Variants in OGDH observed in about 807,000 individuals in gnomAD.
The protein encoded by OGDH is oxoglutarate dehydrogenase, also known as 2-oxoglutarate dehydrogenase complex component E1.
OGDH carries 38 observed loss-of-function variants against 116.6 expected under a neutral mutation model. The observed-to-expected ratio is 0.33, with a 90% CI of 0.25 to 0.43. The LOEUF (loss-of-function observed/expected upper bound fraction) is 0.43, where lower values mean the gene tolerates loss of function less well. Among genes scored for constraint, OGDH ranks in the 20% least tolerant of loss-of-function variants. The pLI is 1.00. For missense variants in OGDH, 825 were observed against 1,357.2 expected, an observed-to-expected ratio of 0.61 and a Z score of 6.16; for synonymous variants, 488 against 533.3, an observed-to-expected ratio of 0.92 and a Z score of 1.17.
At chr7:44,619,887 G>C (rs1218972502) in intron 1 of OGDH, among the ~76,000 whole-genome samples, 1 of 151,552 alleles carries the variant, frequency 6.6e-6, no homozygotes, top group African/African-American at 2.4e-5. Flanking sequence ...TTTTTGATTG[G>C]GTTGTCTTTT....
intron 18 of OGDH, among the ~76,000 whole-genome samples, chr7:44,699,444 A>C (rs1788732285): frequency 6.6e-6 from 1 of 151,874 alleles, no homozygotes; most frequent in East Asian, 1.9e-4. Flanking sequence ...AAAAAAAAAA[A>C]AAAAACTCAA....
In OGDH at chr7:44,697,394, C is replaced by G; in HGVS notation, c.2076C>G (p.Asp692Glu). 1 of 1,614,214 alleles carries G rather than the reference C, an allele frequency of 6.2e-7. No individual in the cohort carries two copies. Among genetic ancestry groups the G allele is most frequent in the Non-Finnish European group, 8.5e-7 (1 of 1,180,038 alleles). ...TFSHRHHVLH[D>E]QNVDKRTCIP... ...GCCACCGCCACCATGTGCTCCATGACCAGAATGTGGACAAGAGAACCTGCA... is the reference window on the plus strand; with the variant it reads ...GCCACCGCCACCATGTGCTCCATGAGCAGAATGTGGACAAGAGAACCTGCA... The change falls in exon 16 of 23, where the codon GAC (aspartate) becomes GAG (glutamate). Residue 692 changes from aspartate (D) to glutamate (E), a missense_variant. Coordinates refer to ENST00000222673, the MANE Select transcript of OGDH (RefSeq NM_002541.4). The surrounding 1 kb of genome is among the most constrained non-coding windows in gnomAD (Gnocchi z 6.0).
At chr7:44,680,169 G>C (rs1046970327) in intron 9 of OGDH, among the ~76,000 whole-genome samples, 1 of 152,042 alleles carries the variant, frequency 6.6e-6, no homozygotes, top group Non-Finnish European at 1.5e-5. Flanking sequence ...CTGAGATCGT[G>C]CCACTGCACT....
At position 44,666,770 on chromosome 7, in the gene OGDH, G is replaced by C. The variant is rs1429177924; in HGVS notation, c.552G>C (p.Lys184Asn). ...GCCTGGATGAGTCTGACCTCGACAA[G>C]GTCTTCCACTTGCCCACCACCACTT... is the stretch of plus-strand genomic sequence containing the variant. The part of the protein sequence containing the change: ...FYGLDESDLD[K>N]VFHLPTTTFI... The change falls in exon 5 of 23, where the codon AAG becomes AAC. Residue 184 changes from lysine to asparagine, a missense_variant. By Grantham distance (94) the Lys-to-Asn change is moderately conservative (BLOSUM62 0). Around this residue, in one of 7 missense-constraint regions of OGDH, gnomAD observed 171 missense variants for 276.8 expected, o/e 0.62. Coordinates refer to ENST00000222673, the MANE Select transcript of OGDH (RefSeq NM_002541.4). 10 of 1,613,088 alleles carry C rather than the reference G, an allele frequency of 6.2e-6. No individual in the cohort carries two copies. Among genetic ancestry groups the C allele is most frequent in the Non-Finnish European group, 8.5e-6 (10 of 1,179,646 alleles).
intron 5 of OGDH, among the ~76,000 whole-genome samples, chr7:44,670,564 A>G (rs374595626): frequency 3.3e-5 from 5 of 152,196 alleles, no homozygotes; most frequent in East Asian, 3.8e-4. Context: ...CTTGGGCACT[A>G]TGGATCCCCA....
intron 12 of OGDH, 77 bp from the exon 13 acceptor site, chr7:44,695,948 A>G: frequency 1.3e-6 from 1 of 796,402 alleles, no homozygotes; most frequent in Non-Finnish European, 2.2e-6. Context: ...GGCTGTCAGA[A>G]AGTGTGGGGG....
rs556730175 is a variant in OGDH at position 44,642,632 on chromosome 7, A to G, written c.223-2695A>G. Among the ~76,000 whole-genome samples the G allele has an allele frequency of 8.5e-5, 13 of 152,294 alleles. No individual in the cohort carries two copies. The South Asian group carries it at 1.9e-3, about 22-fold the overall frequency. On this transcript the variant is annotated intron_variant, in intron 2 of 22. Transcript: ENST00000222673. ...ACCTCAAATAGTTTGATTTGTAAAAACATTTTAAAGGCCAGGTGCAGTGGC... is the reference window on the plus strand; with the variant it reads ...ACCTCAAATAGTTTGATTTGTAAAAGCATTTTAAAGGCCAGGTGCAGTGGC...
In OGDH at chr7:44,616,607, A is replaced by T. The variant is rs1469143494; in HGVS notation, c.-27-7710A>T. On this transcript the variant is annotated intron_variant, in intron 1 of 22. Transcript: ENST00000222673. The stretch of plus-strand genomic sequence containing the variant: ...TAGTTTGCCTTTTTTCCTAGGCTAC[A>T]TATATATATGTATATATATATACAC... Among the ~76,000 whole-genome samples the T allele has an allele frequency of 2.1e-5, 3 of 141,432 alleles. No individual in the cohort carries two copies. The East Asian group carries it at 8.6e-4, about 40-fold the overall frequency. 92.8% of individuals were successfully genotyped at this position (141,432 alleles called of 152,430 possible).
At chr7:44,626,683 A>G (rs1785221211) in intron 2 of OGDH, among the ~76,000 whole-genome samples, 1 of 152,218 alleles carries the variant, frequency 6.6e-6, no homozygotes, top group Non-Finnish European at 1.5e-5. Context: ...TGTTGCCATC[A>G]TAGCTGCTCC....
At chr7:44,644,052 C>T (rs1321652350) in intron 2 of OGDH, among the ~76,000 whole-genome samples, 3 of 152,122 alleles carry the variant, frequency 2.0e-5, no homozygotes, top group Admixed American at 2.0e-4. Flanking sequence ...ACTAAAAATA[C>T]AAAAATTATA....
chr7:44,634,121 A>T (rs1785563557), intron 2 of OGDH, among the ~76,000 whole-genome samples: 2 of 152,236 alleles, frequency 1.3e-5, no homozygotes, highest in South Asian at 2.1e-4. Flanking sequence ...GCTAGAAGCC[A>T]TGAAGGCCTC....
intron 1 of OGDH, among the ~76,000 whole-genome samples, chr7:44,616,422 C>G (rs1784771018): frequency 6.6e-6 from 1 of 152,048 alleles, no homozygotes; most frequent in Non-Finnish European, 1.5e-5. Context: ...GTGTCAGTCC[C>G]TACCAGTGGT....
chr7:44,663,725 G>A (rs1787052124), intron 4 of OGDH, among the ~76,000 whole-genome samples: 1 of 152,222 alleles, frequency 6.6e-6, no homozygotes, highest in African/African-American at 2.4e-5. Context: ...AGTGAGCTGA[G>A]ATGGTGCCAC....
chr7:44,626,333 C>CA (rs1785204558), intron 2 of OGDH, among the ~76,000 whole-genome samples: 2 of 108,104 alleles, frequency 1.9e-5, no homozygotes, highest in Admixed American at 1.9e-4. Context: ...ACACACACAC[C>CA]CCTACACACA....
chr7:44,614,037 C>T (rs1032306678), intron 1 of OGDH, among the ~76,000 whole-genome samples: 27 of 151,650 alleles, frequency 1.8e-4, no homozygotes, highest in Non-Finnish European at 3.7e-4. Context: ...AACTCCCAAA[C>T]TCGGGCCATC....
intron 4 of OGDH, among the ~76,000 whole-genome samples, chr7:44,649,109 A>G (rs896165588): frequency 2.0e-5 from 3 of 152,084 alleles, no homozygotes; most frequent in Non-Finnish European, 4.4e-5. Context: ...AGAGCAGGCC[A>G]AACTCCCCAG....
chr7:44,616,834 TAC>T (rs1562611138), intron 1 of OGDH, among the ~76,000 whole-genome samples: 120 of 130,226 alleles, frequency 9.2e-4, no homozygotes, highest in African/African-American at 3.1e-3. Flanking sequence ...TGTGTATATA[TAC>T]ACATATACGT....
At chr7:44,675,296 A>G (rs753405767) in intron 8 of OGDH, 28 bp downstream of exon 8, 1 of 1,581,728 alleles carries the variant, frequency 6.3e-7, no homozygotes, top group Non-Finnish European at 8.7e-7. Context: ...AGACACATCC[A>G]GCATAGCCCC....
At chr7:44,607,380 C>T (rs558555083) in intron 1 of OGDH, among the ~76,000 whole-genome samples, 1 of 152,304 alleles carries the variant, frequency 6.6e-6, no homozygotes, top group Admixed American at 6.5e-5. Context: ...AAACTTGCCG[C>T]GCCCTCGCCC....
Sources: gnomAD v4.1 joint callset for allele counts (sites outside exome capture counted in the v4.1 genomes callset) on GRCh38, gnomAD v4.1.1 for gene constraint, gnomAD v4.1.1 regional missense constraint, Gnocchi (gnomAD v3.1) non-coding constraint, MANE v1.5 for transcripts, NCBI Gene and HGNC (gene_info 2026-07-23, HGNC 2026-07-21) for gene names.